TMEM209: variants seen among roughly 807,000 people sequenced by gnomAD.
The protein encoded by TMEM209 is transmembrane protein 209, also known as testicular tissue protein Li 202.
A neutral mutation model predicts 76.2 loss-of-function variants in TMEM209; 65 were observed. The observed-to-expected ratio is 0.85, with a 90% confidence interval of 0.70 to 1.05. The LOEUF (loss-of-function observed/expected upper bound fraction) is 1.05. Among genes scored for constraint, TMEM209 ranks in the 50% least tolerant of loss-of-function variants. TMEM209 has a pLI of 0.00. For missense variants in TMEM209, 623 were observed against 685.5 expected, an observed-to-expected ratio of 0.91 and a Z score of 1.02; for synonymous variants, 239 against 237.6, an observed-to-expected ratio of 1.01 and a Z score of -0.06.
intron 7 of TMEM209, 72 bp from the exon 8 acceptor site, chr7:130,184,327 C>A (rs906995528): frequency 1.8e-6 from 2 of 1,114,992 alleles, no homozygotes; most frequent in Non-Finnish European, 2.5e-6. Context: ...TTCTTTCTCC[C>A]ATCCTAAAAA....
intron 8 of TMEM209, among the ~76,000 whole-genome samples, chr7:130,183,032 C>CT (rs1188783675): frequency 6.6e-6 from 1 of 152,138 alleles, no homozygotes; most frequent in Non-Finnish European, 1.5e-5. Context: ...TCCAAAAACT[C>CT]TAAATTTTAT....
Position 130,166,099 on chromosome 7 carries a change from A to G in TMEM209, c.*352T>C. 6.0e-6 allele frequency: 1 copy of G among 167,056 alleles called. No individual in the cohort carries two copies. Among genetic ancestry groups the G allele is most frequent in the Non-Finnish European group, 1.3e-5 (1 of 78,228 alleles). 10.3% of individuals were successfully genotyped at this position (167,056 alleles called of 1,614,324 possible). On this transcript the variant is annotated 3_prime_UTR_variant, in exon 15 of 15. Transcript: ENST00000397622. ...AAAATTTTTTTTTGGTACAAGAATC[A>G]GGTAGATGATTCTCATTTGGGGGTT...
At chr7:130,179,617 A>G (rs1013182279) in intron 9 of TMEM209, among the ~76,000 whole-genome samples, 1 of 152,242 alleles carries the variant, frequency 6.6e-6, no homozygotes, top group African/African-American at 2.4e-5. Flanking sequence ...AAACATTCCT[A>G]TATGTGTCAT....
intron 7 of TMEM209, 97 bp downstream of exon 7, chr7:130,185,095 A>G: frequency 1.5e-6 from 2 of 1,363,624 alleles, no homozygotes; most frequent in South Asian, 3.0e-5. Flanking sequence ...TTTCTGTCCA[A>G]CAGAATGGAA....
Position 130,202,527 on chromosome 7 carries a change from C to T in TMEM209, c.331+5G>A. 4 of 1,602,676 alleles carry T rather than the reference C, an allele frequency of 2.5e-6. No homozygotes were observed. Among genetic ancestry groups the T allele is most frequent in the Non-Finnish European group, 3.4e-6 (4 of 1,176,130 alleles). On this transcript the variant is annotated splice_donor_5th_base_variant and intron_variant, in intron 4 of 14. Coordinates refer to ENST00000397622, the MANE Select transcript of TMEM209 (RefSeq NM_032842.4). ...CCACCTTTGCAAGAGATATAAAACA[C>T]TCACCAGCTGTTTTCAACCCTAAAA...
intron 5 of TMEM209, among the ~76,000 whole-genome samples, chr7:130,201,605 T>A (rs1438435299): frequency 6.6e-6 from 1 of 152,190 alleles, no homozygotes; most frequent in Non-Finnish European, 1.5e-5. Context: ...TCAACTTGTT[T>A]TAAAGACAGC....
At chr7:130,202,213 A>G in intron 4 of TMEM209, 122 bp from the exon 5 acceptor site, 1 of 1,279,512 alleles carries the variant, frequency 7.8e-7, no homozygotes, top group Non-Finnish European at 1.1e-6. Context: ...CTTGGTTGTT[A>G]AATCACAGAA....
chr7:130,202,692 G>T (rs773867066), intron 3 of TMEM209, 29 bp from the exon 4 acceptor site: 1 of 1,600,756 alleles, frequency 6.2e-7, no homozygotes, highest in Non-Finnish European at 8.5e-7. Flanking sequence ...TTTTTAATAA[G>T]GGGGGTGAGG....
chr7:130,200,719 A>G (rs1798159465), intron 5 of TMEM209, among the ~76,000 whole-genome samples: 2 of 152,200 alleles, frequency 1.3e-5, no homozygotes, highest in South Asian at 4.1e-4. Context: ...AATTTTCACT[A>G]CATATATACT....
In TMEM209 at chr7:130,199,303, C is replaced by T. The variant is rs548709431; in HGVS notation, c.573+2547G>A. On this transcript the variant is annotated intron_variant, in intron 5 of 14. Transcript: ENST00000397622. ...AGCCATCTCGGCTCACTGAAAGCTCCGCCTTCCTGGTTCACGCCATTCTCC... is the reference window on the plus strand; with the variant it reads ...AGCCATCTCGGCTCACTGAAAGCTCTGCCTTCCTGGTTCACGCCATTCTCC... Among the ~76,000 whole-genome samples, 18 of 152,138 alleles carry T rather than the reference C, an allele frequency of 1.2e-4. No individual in the cohort carries two copies. The East Asian group carries it at 2.5e-3, about 21-fold the overall frequency.
At chr7:130,194,329 A>G (rs1797899389) in intron 5 of TMEM209, among the ~76,000 whole-genome samples, 1 of 151,042 alleles carries the variant, frequency 6.6e-6, no homozygotes, top group African/African-American at 2.4e-5. Flanking sequence ...TCTAAAAAAT[A>G]AAGTCCATCA....
At chr7:130,184,494 C>CTTTTTTTTTTTTTTTTT (rs67295320) in intron 7 of TMEM209, among the ~76,000 whole-genome samples, 1 of 118,134 alleles carries the variant, frequency 8.5e-6, no homozygotes, top group Non-Finnish European at 1.7e-5. Context: ...ATTTTTCTTG[C>CTTTTTTTTTTTTTTTTT]TTTTTTTTTT....
intron 3 of TMEM209, 91 bp downstream of exon 3, chr7:130,203,697 G>T: frequency 8.8e-7 from 1 of 1,142,552 alleles, no homozygotes; most frequent in Non-Finnish European, 1.3e-6. Context: ...TCAAATACTT[G>T]TTGAATAAGG....
At chr7:130,188,595 CAAAAAAAAAAAAAAA>C (rs10649977) in intron 6 of TMEM209, among the ~76,000 whole-genome samples, 1 of 72,704 alleles carries the variant, frequency 1.4e-5, no homozygotes, top group Non-Finnish European at 2.5e-5. Context: ...GACTCCGTAT[CAAAAAAAAAAAAAAA>C]AAAAAAAAAA....
Position 130,184,217 on chromosome 7 carries a change from A to G in TMEM209, c.990T>C (p.Asp330=), listed in dbSNP as rs1584679059. 6.2e-7 allele frequency: 1 copy of G among 1,608,338 alleles called. No individual in the cohort carries two copies. The highest frequency in any genetic ancestry group is 1.7e-4 in the Middle Eastern group (1 of 6,048). The change falls in exon 8 of 15, where the codon GAT becomes GAC. Residue 330 remains aspartate, a synonymous_variant. Coordinates refer to ENST00000397622, the MANE Select transcript of TMEM209 (RefSeq NM_032842.4). The part of the protein sequence containing the change: ...ARVAMNRQLL[D]HMDSWTAKFR... The stretch of plus-strand genomic sequence containing the variant: ...ATTTAGCTGTCCATGAATCCATATG[A>G]TCAAGAAGTTGTCTATTCATAGCCA...
At chr7:130,174,022 A>G (rs1584667815) in intron 11 of TMEM209, 83 bp from the exon 12 acceptor site, 2 of 927,314 alleles carry the variant, frequency 2.2e-6, no homozygotes, top group Middle Eastern at 2.2e-4. Flanking sequence ...ATCTGTATTT[A>G]TAACGATTCC....
At chr7:130,195,324 C>T (rs1797934352) in intron 5 of TMEM209, among the ~76,000 whole-genome samples, 1 of 152,050 alleles carries the variant, frequency 6.6e-6, no homozygotes, top group Non-Finnish European at 1.5e-5. Context: ...TTTGGCCCCA[C>T]TTTACTTCTA....
rs529897011 is a variant in TMEM209 at position 130,185,929 on chromosome 7, T to TA, written c.776-563dup. 3.9e-5 allele frequency among the ~76,000 whole-genome samples: 6 copies of TA among 152,034 alleles called. No homozygotes were observed. The East Asian group carries it at 5.8e-4, about 15-fold the overall frequency. ...TTTATAAATTTACTTTTAAGAAATG[T>TA]AAAAAAAAGTTCTATTTAGGAATGT... is the stretch of plus-strand genomic sequence containing the variant. On this transcript the variant is annotated intron_variant, in intron 6 of 14. Transcript: ENST00000397622.
chr7:130,202,444 CTT>C, intron 4 of TMEM209, 86 bp downstream of exon 4: 1 of 1,512,388 alleles, frequency 6.6e-7, no homozygotes, highest in Non-Finnish European at 8.9e-7. Context: ...TCCCTTCCAG[CTT>C]TGAGTCTACG....
Sources: gnomAD v4.1 joint callset for allele counts (sites outside exome capture counted in the v4.1 genomes callset) on GRCh38, gnomAD v4.1.1 for gene constraint, MANE v1.5 for transcripts, NCBI Gene and HGNC (gene_info 2026-07-23, HGNC 2026-07-21) for gene names.